The following SBF2 variants were observed in gnomAD, a reference collection of about 807,000 sequenced individuals.
SBF2 encodes myotubularin-related protein 13.
Under a neutral mutation model 225.2 loss-of-function variants are expected in SBF2, and 112 were observed. That is an observed-to-expected ratio of 0.50 (90% CI 0.43 to 0.58). The LOEUF is 0.58. Among genes scored for constraint, SBF2 ranks in the 20% least tolerant of loss-of-function variants. The probability of loss-of-function intolerance (pLI) is 0.00; values close to 1 mark genes in which losing one functional copy is unlikely to be tolerated. For missense variants in SBF2, 1,996 were observed against 2,206.2 expected, an observed-to-expected ratio of 0.90 and a Z score of 1.91; for synonymous variants, 763 against 773.3, an observed-to-expected ratio of 0.99 and a Z score of 0.22.
intron 2 of SBF2, among the ~76,000 whole-genome samples, chr11:10,097,687 A>G (rs985177762): frequency 6.6e-6 from 1 of 152,068 alleles, no homozygotes; most frequent in Admixed American, 6.6e-5. Context: ...TATGGCCAAC[A>G]CCCCAGTAGA....
chr11:9,869,592 GA>G (rs1307933336), intron 17 of SBF2, among the ~76,000 whole-genome samples: 3 of 151,914 alleles, frequency 2.0e-5, no homozygotes, highest in African/African-American at 7.2e-5. Context: ...CAGAACTAAA[GA>G]AAAAAACCAC....
chr11:9,818,790 C>T (rs901199010), intron 28 of SBF2, among the ~76,000 whole-genome samples: 11 of 152,264 alleles, frequency 7.2e-5, no homozygotes, highest in East Asian at 5.8e-4. Flanking sequence ...GGCGTGATCT[C>T]GGCTCACCAC....
intron 6 of SBF2, among the ~76,000 whole-genome samples, chr11:10,011,455 G>A (rs1045652379): frequency 6.6e-6 from 1 of 152,182 alleles, no homozygotes; most frequent in Non-Finnish European, 1.5e-5. Flanking sequence ...CTGGGCTCAA[G>A]TGATCCACCC....
At chr11:10,094,528 A>ATTTTTTTTTTTTTTT (rs60485793) in intron 2 of SBF2, among the ~76,000 whole-genome samples, 2,247 of 106,998 alleles carry the variant, frequency 0.021, 229 homozygotes, top group East Asian at 0.076. Context: ...ATACACACAG[A>ATTTTTTTTTTTTTTT]TTTTTTTTTT....
chr11:10,077,240 T>C (rs370937997), intron 2 of SBF2, among the ~76,000 whole-genome samples: 7 of 152,158 alleles, frequency 4.6e-5, no homozygotes, highest in East Asian at 1.9e-4. Flanking sequence ...AAGTAATTTA[T>C]AGATTCAATG....
intron 16 of SBF2, among the ~76,000 whole-genome samples, chr11:9,929,507 A>G (rs982571562): frequency 6.6e-6 from 1 of 152,198 alleles, no homozygotes. Context: ...AGTCTGATCC[A>G]CTACAGCTTT....
intron 30 of SBF2, among the ~76,000 whole-genome samples, chr11:9,809,544 A>C (rs566147148): frequency 7.3e-6 from 1 of 136,318 alleles, no homozygotes; most frequent in Non-Finnish European, 1.6e-5. Flanking sequence ...TGTTTCAGAC[A>C]TTTTTTTTTT....
intron 2 of SBF2, among the ~76,000 whole-genome samples, chr11:10,181,494 T>C (rs557074850): frequency 2.6e-4 from 39 of 152,266 alleles, no homozygotes; most frequent in Admixed American, 4.6e-4. Context: ...AGATAATTTT[T>C]GGCCAGACTT....
chr11:9,900,937 A>C (rs1188684246), intron 16 of SBF2, among the ~76,000 whole-genome samples: 1 of 151,872 alleles, frequency 6.6e-6, no homozygotes, highest in Non-Finnish European at 1.5e-5. Flanking sequence ...GCAGGGTTTC[A>C]CTATGTTGTC....
At chr11:9,822,295 C>G (rs570272245) in intron 28 of SBF2, among the ~76,000 whole-genome samples, 1 of 143,338 alleles carries the variant, frequency 7.0e-6, no homozygotes, top group East Asian at 2.0e-4. Context: ...GAGTCTCGCT[C>G]TGTCACCCAG....
chr11:10,234,940 A>G (rs1324878063), intron 1 of SBF2, among the ~76,000 whole-genome samples: 8 of 152,180 alleles, frequency 5.3e-5, no homozygotes, highest in Non-Finnish European at 1.0e-4. Context: ...ATGGCACATC[A>G]ATTTGTTAAA....
At chr11:9,822,229 T>A (rs1590158755) in intron 28 of SBF2, among the ~76,000 whole-genome samples, 1 of 152,054 alleles carries the variant, frequency 6.6e-6, no homozygotes, top group East Asian at 1.9e-4. Context: ...GTAGTGGGAC[T>A]ATGGTTTGAA....
intron 2 of SBF2, among the ~76,000 whole-genome samples, chr11:10,057,974 G>T (rs1002635592): frequency 1.3e-5 from 2 of 151,044 alleles, no homozygotes; most frequent in African/African-American, 4.9e-5. Flanking sequence ...ACAAAGTCCT[G>T]GCCTGATGAA....
At chr11:10,256,008 C>G (rs191910818) in intron 1 of SBF2, among the ~76,000 whole-genome samples, 10 of 152,308 alleles carry the variant, frequency 6.6e-5, no homozygotes, top group African/African-American at 2.2e-4. Context: ...TTGTGCTTTA[C>G]TTACAGGGTG....
chr11:9,942,103 G>A (rs1322931180), intron 16 of SBF2, among the ~76,000 whole-genome samples: 6 of 152,164 alleles, frequency 3.9e-5, no homozygotes, highest in Admixed American at 1.3e-4. Flanking sequence ...GCAGGGTCTC[G>A]TACTGTCACC....
chr11:10,119,431 C>T (rs2135045876), intron 2 of SBF2, among the ~76,000 whole-genome samples: 1 of 152,216 alleles, frequency 6.6e-6, no homozygotes, highest in South Asian at 2.1e-4. Context: ...TTGAACTGTA[C>T]TTAATCTCCC....
intron 1 of SBF2, among the ~76,000 whole-genome samples, chr11:10,247,158 T>C (rs1959883961): frequency 6.6e-6 from 1 of 152,140 alleles, no homozygotes; most frequent in African/African-American, 2.4e-5. Context: ...ATGTAACACT[T>C]TCCCAGCCAG....
chr11:10,122,550 A>G (rs1015972588), intron 2 of SBF2, among the ~76,000 whole-genome samples: 12 of 152,250 alleles, frequency 7.9e-5, no homozygotes, highest in African/African-American at 2.2e-4. Context: ...CAAGGTCCTA[A>G]AAGTAGGCCA....
At chr11:9,837,191 T>C (rs559650490) in intron 26 of SBF2, among the ~76,000 whole-genome samples, 2 of 152,318 alleles carry the variant, frequency 1.3e-5, no homozygotes, top group Admixed American at 6.5e-5. Flanking sequence ...AATATTTTAT[T>C]TATTTCTAAG....
Sources: allele counts gnomAD v4.1 joint callset (sites outside exome capture counted in the v4.1 genomes callset), GRCh38; gene constraint gnomAD v4.1.1; transcripts MANE v1.5; gene names NCBI Gene and HGNC (gene_info 2026-07-23, HGNC 2026-07-21).